The following ZWILCH variants were observed in gnomAD, a reference collection of about 807,000 sequenced individuals.
ZWILCH encodes the protein protein zwilch homolog.
ZWILCH carries 74 observed loss-of-function variants against 79.9 expected under a neutral mutation model. The observed-to-expected ratio is 0.93, with a 90% CI of 0.77 to 1.12. ZWILCH has a LOEUF of 1.12. Among genes scored for constraint, ZWILCH ranks in the 50% most tolerant of loss-of-function variants. The probability of loss-of-function intolerance (pLI) is 0.00; values close to 1 mark genes in which losing one functional copy is unlikely to be tolerated. For synonymous variants in ZWILCH, 241 were observed against 228.2 expected (o/e 1.06, Z -0.51); for missense variants, 694 against 687.5 (o/e 1.01, Z -0.11).
chr15:66,530,572 G>C (rs1026092515), intron 12 of ZWILCH, among the ~76,000 whole-genome samples: 19 of 152,172 alleles, frequency 1.2e-4, no homozygotes, highest in Non-Finnish European at 2.1e-4. Flanking sequence ...AGGAGGCAGA[G>C]GTGGCAGTGA....
At chr15:66,547,651 T>C (rs1414227245) in intron 18 of ZWILCH, 1 of 152,214 alleles carries the variant, frequency 6.6e-6, no homozygotes, top group Non-Finnish European at 1.5e-5. Context: ...AAGTTGAATT[T>C]AGTCAGAGTT....
chr15:66,544,724 T>TTTTTGTGTGTGTGTGTG (rs145952622), intron 17 of ZWILCH, among the ~76,000 whole-genome samples: 8 of 128,542 alleles, frequency 6.2e-5, no homozygotes, highest in African/African-American at 2.5e-4. Context: ...TTTTTGGTTT[T>TTTTTGTGTGTGTGTGTG]TGTGTGTGTG....
rs541408570 is a variant in ZWILCH at position 66,515,297 on chromosome 15, A to G, written c.202-229A>G. On this transcript the variant is annotated intron_variant, in intron 3 of 18. Transcript: ENST00000307897. Reference sequence around the variant, plus strand: ...TCAGTTGCTTCCTTTGCTATTAGCAACTAAGGTCAATATCTTTTTATAGGA... The same window carrying G: ...TCAGTTGCTTCCTTTGCTATTAGCAGCTAAGGTCAATATCTTTTTATAGGA... Among the ~76,000 whole-genome samples the G allele has an allele frequency of 3.3e-5, 5 of 152,258 alleles. No homozygotes were observed. The East Asian group carries it at 5.8e-4, about 18-fold the overall frequency.
chr15:66,527,917 GTGA>G lies in ZWILCH; in HGVS notation c.969+7_969+9del, dbSNP rs1894730855. The G allele has an allele frequency of 1.3e-6, 2 of 1,595,238 alleles. No homozygotes were observed. Among genetic ancestry groups the G allele is most frequent in the Admixed American group, 1.8e-5 (1 of 54,840 alleles). On this transcript the variant is annotated splice_donor_region_variant and intron_variant, in intron 10 of 18. Transcript: ENST00000307897. ...AAAAAAGACACTGAGGTTGAGGTAAGTGATTATTATCAGTTAGAAATATACACA... is the reference window on the plus strand; with the variant it reads ...AAAAAAGACACTGAGGTTGAGGTAAGTTATTATCAGTTAGAAATATACACA...
intron 11 of ZWILCH, 110 bp downstream of exon 11, chr15:66,529,067 T>G: frequency 1.3e-6 from 1 of 799,874 alleles, no homozygotes; most frequent in Non-Finnish European, 2.0e-6. Context: ...AGTCTGGTTC[T>G]TAACTTTATC....
chr15:66,544,725 TG>T (rs1895311657), intron 17 of ZWILCH, among the ~76,000 whole-genome samples: 34 of 10,280 alleles, frequency 3.3e-3, no homozygotes, highest in Admixed American at 8.9e-3. Flanking sequence ...TTTTGGTTTT[TG>T]TGTGTGTGTG....
chr15:66,513,638 C>A (rs1008442844), intron 2 of ZWILCH, among the ~76,000 whole-genome samples: 2 of 151,236 alleles, frequency 1.3e-5, no homozygotes, highest in Non-Finnish European at 2.9e-5. Flanking sequence ...GTGGCACGAT[C>A]TCGGCTCACT....
chr15:66,538,244 T>C (rs1481563599), intron 16 of ZWILCH, among the ~76,000 whole-genome samples: 1 of 152,142 alleles, frequency 6.6e-6, no homozygotes, highest in African/African-American at 2.4e-5. Flanking sequence ...CTCTCATCAC[T>C]CCCCCTGAAA....
chr15:66,529,634 A>T, intron 12 of ZWILCH, 61 bp downstream of exon 12: 1 of 1,308,828 alleles, frequency 7.6e-7, no homozygotes, highest in South Asian at 1.2e-5. Flanking sequence ...GTAAAGACAC[A>T]GGCTCTGAAG....
intron 5 of ZWILCH, 171 bp from the exon 6 acceptor site, chr15:66,520,419 C>T (rs1241648084): frequency 3.6e-6 from 2 of 561,586 alleles, no homozygotes; most frequent in Non-Finnish European, 6.5e-6. Flanking sequence ...CCATACCCAG[C>T]CCACTTTCAT....
rs766058565 is a variant in ZWILCH at position 66,550,022 on chromosome 15, T to C, written c.*1698T>C. ...TTAGTTTAATTATTAAAGGAAAACA[T>C]TGAAATATACTGACTCACCTGCAGC... is the stretch of plus-strand genomic sequence containing the variant. On this transcript the variant is annotated 3_prime_UTR_variant, in exon 19 of 19. Transcript: ENST00000307897. 1.3e-6 allele frequency: 2 copies of C among 1,539,124 alleles called. No homozygotes were observed. The highest frequency in any genetic ancestry group is 2.0e-5 in the Admixed American group (1 of 49,406).
chr15:66,526,113 A>G (rs1012122756), intron 8 of ZWILCH, among the ~76,000 whole-genome samples: 93 of 152,160 alleles, frequency 6.1e-4, no homozygotes, highest in African/African-American at 2.1e-3. Context: ...AGATGATAGC[A>G]TTTCAACTGG....
At chr15:66,523,112 T>G (rs1377381796) in intron 7 of ZWILCH, among the ~76,000 whole-genome samples, 1 of 152,232 alleles carries the variant, frequency 6.6e-6, no homozygotes, top group Non-Finnish European at 1.5e-5. Flanking sequence ...TGTGAGCTAC[T>G]GCGCCCAGAC....
chr15:66,540,165 C>A lies in ZWILCH; in HGVS notation c.1642C>A (p.Leu548Met). 1 of 1,613,746 alleles carries A rather than the reference C, an allele frequency of 6.2e-7. No individual in the cohort carries two copies. The highest frequency in any genetic ancestry group is 8.5e-7 in the Non-Finnish European group (1 of 1,179,772). Residue 548 changes from leucine to methionine, a missense_variant, in exon 17 of 19, where the codon CTG (leucine) becomes ATG (methionine). Transcript: ENST00000307897. Reference sequence around the variant, plus strand: ...AAAGAAGATTAAGACAGTTTGGCAACTGAGTGACAGCTCACCCATAGACCA... The same window carrying A: ...AAAGAAGATTAAGACAGTTTGGCAAATGAGTGACAGCTCACCCATAGACCA... ...GQKKIKTVWQLSDSSPIDHLN... is the reference protein window; with the variant it reads ...GQKKIKTVWQMSDSSPIDHLN...
intron 17 of ZWILCH, among the ~76,000 whole-genome samples, chr15:66,542,814 G>A (rs756208615): frequency 2.6e-5 from 4 of 152,214 alleles, no homozygotes; most frequent in Middle Eastern, 3.4e-3. Flanking sequence ...GCAACATAGC[G>A]AGATTCCATC....
At chr15:66,546,869 A>C (rs1895388766) in intron 18 of ZWILCH, 164 bp downstream of exon 18, 1 of 293,422 alleles carries the variant, frequency 3.4e-6, no homozygotes, top group Non-Finnish European at 6.3e-6. Flanking sequence ...GCAACTCTTT[A>C]ATTTTCTTTC....
intron 14 of ZWILCH, among the ~76,000 whole-genome samples, chr15:66,533,521 C>T (rs952515057): frequency 6.1e-4 from 93 of 152,160 alleles, no homozygotes; most frequent in African/African-American, 2.1e-3. Context: ...ATTGAAAGAT[C>T]CTTTTGAAAA....
In ZWILCH at chr15:66,535,400, G is replaced by T. The variant is rs140387072; in HGVS notation, c.1342-533G>T. ...ATCTTATAAGACCACTGTAGGCCGG[G>T]CGCGGTGGTTTACGCCTGTAATCCC... On this transcript the variant is annotated intron_variant, in intron 14 of 18. Transcript: ENST00000307897. 6.1e-3 allele frequency among the ~76,000 whole-genome samples: 922 copies of T among 152,256 alleles called. 13 individuals carry two copies. Among genetic ancestry groups the T allele is most frequent in the Middle Eastern group, 0.01 (3 of 294 alleles).
Position 66,527,381 on chromosome 15 carries a change from A to G in ZWILCH, c.911A>G (p.Asn304Ser), listed in dbSNP as rs781700715. 1.2e-6 allele frequency: 2 copies of G among 1,612,226 alleles called. No homozygotes were observed. The highest frequency in any genetic ancestry group is 1.7e-6 in the Non-Finnish European group (2 of 1,178,282). Residue 304 changes from asparagine to serine, a missense_variant and splice_region_variant, in exon 9 of 19, where the codon AAT becomes AGT. Physicochemically the swap from Asn to Ser is conservative, Grantham distance 46. Coordinates refer to ENST00000307897, the MANE Select transcript of ZWILCH (RefSeq NM_017975.5). ...GTTGAACTTGTTCAGGAATTTCTGA[A>G]TGGTGTATTACTTGTTTTATTAATT... ...SAVELVQEFL[N>S]DLNKLDGFGD...
Sources: allele counts gnomAD v4.1 joint callset (sites outside exome capture counted in the v4.1 genomes callset), GRCh38; gene constraint gnomAD v4.1.1; transcripts MANE v1.5; gene names NCBI Gene and HGNC (gene_info 2026-07-23, HGNC 2026-07-21).